Variants in PSME3IP1 observed in about 807,000 individuals in gnomAD.
The protein encoded by PSME3IP1 is PSME3-interacting protein.
Under a neutral mutation model 34.1 loss-of-function variants are expected in PSME3IP1, and 13 were observed. The ratio of observed to expected loss-of-function variants is 0.38; its 90% CI spans 0.25 to 0.61. PSME3IP1 has a LOEUF of 0.61. Ranked by LOEUF, PSME3IP1 falls within the 20% of genes least tolerant of loss-of-function variation. The pLI is 0.60. For synonymous variants in PSME3IP1, 93 were observed against 114.3 expected (o/e 0.81, Z 1.19); for missense variants, 237 against 301.4 (o/e 0.79, Z 1.58).
At chr16:57,161,831 G>C (rs1361346496) in intron 6 of PSME3IP1, among the ~76,000 whole-genome samples, 1 of 151,990 alleles carries the variant, frequency 6.6e-6, no homozygotes, top group Non-Finnish European at 1.5e-5. Context: ...TTTTTAAAAA[G>C]AAAAAACTTT....
At chr16:57,158,951 G>C (rs543594664) in intron 6 of PSME3IP1, among the ~76,000 whole-genome samples, 31 of 152,078 alleles carry the variant, frequency 2.0e-4, no homozygotes, top group Non-Finnish European at 4.1e-4. Context: ...CATAGAAAAA[G>C]GCATAGTAAA....
At position 57,173,490 on chromosome 16, in the gene PSME3IP1, G is replaced by A. The variant is rs952708871; in HGVS notation, c.127+238C>T. On this transcript the variant is annotated intron_variant, in intron 2 of 6. Coordinates refer to ENST00000309137, the MANE Select transcript of PSME3IP1 (RefSeq NM_024946.4). ...CCAAAAATACAAAAATTAGCCAGGC[G>A]TGGTGGCTGGTGCCTGTAATCCCAA... Among the ~76,000 whole-genome samples the A allele has an allele frequency of 5.3e-5, 8 of 152,112 alleles. No individual in the cohort carries two copies. The East Asian group carries it at 5.8e-4, about 11-fold the overall frequency.
rs1232235911 is a variant in PSME3IP1 at position 57,153,352 on chromosome 16, A to T, written c.*938T>A. 1.3e-5 allele frequency: 2 copies of T among 152,244 alleles called. No homozygotes were observed. The highest frequency in any genetic ancestry group is 2.9e-5 in the Non-Finnish European group (2 of 68,048). 9.4% of individuals were successfully genotyped at this position (152,244 alleles called of 1,614,324 possible). On this transcript the variant is annotated 3_prime_UTR_variant, in exon 7 of 7. Transcript: ENST00000309137. ...AGATTCCACAGTTAAAAGCACAAGT[A>T]TAATATGCATTAAACAGAGAAGGGC...
chr16:57,163,947 A>G (rs1330904673), intron 6 of PSME3IP1, 54 bp downstream of exon 6: 1 of 1,514,922 alleles, frequency 6.6e-7, no homozygotes, highest in Non-Finnish European at 9.2e-7. Context: ...ACAGCCCTTT[A>G]CTGTGGTTCA....
intron 1 of PSME3IP1, chr16:57,175,412 C>T (rs1360169324): frequency 6.6e-6 from 1 of 152,164 alleles, no homozygotes; most frequent in Non-Finnish European, 1.5e-5. Context: ...TTATTCACAG[C>T]ACTATGTGCT....
At chr16:57,184,497 TAA>T (rs1391136566) in intron 1 of PSME3IP1, among the ~76,000 whole-genome samples, 1 of 152,188 alleles carries the variant, frequency 6.6e-6, no homozygotes, top group African/African-American at 2.4e-5. Flanking sequence ...TATTCTATAG[TAA>T]AGAGTGAAAC....
intron 3 of PSME3IP1, 92 bp downstream of exon 3, chr16:57,172,684 C>A: frequency 1.0e-6 from 1 of 1,004,262 alleles, no homozygotes; most frequent in South Asian, 1.3e-5. Context: ...CAAGACAATT[C>A]CACGGCTAGT....
At chr16:57,174,592 T>C (rs1451113056) in intron 1 of PSME3IP1, 8 of 985,462 alleles carry the variant, frequency 8.1e-6, no homozygotes, top group Non-Finnish European at 9.6e-6. Flanking sequence ...AATTCCTGTT[T>C]CTGAGACATT....
intron 4 of PSME3IP1, 35 bp downstream of exon 4, chr16:57,172,216 C>T: frequency 6.2e-7 from 1 of 1,607,624 alleles, no homozygotes; most frequent in Middle Eastern, 2.2e-4. Context: ...AGAAAATGGA[C>T]ACCTTACAGG....
intron 1 of PSME3IP1, chr16:57,178,497 C>A: frequency 1.9e-5 from 18 of 949,712 alleles, no homozygotes; most frequent in Non-Finnish European, 2.3e-5. Context: ...TATTCAAATA[C>A]TTACTGAATA....
At position 57,173,795 on chromosome 16, in the gene PSME3IP1, T is replaced by A; in HGVS notation, c.60A>T (p.Glu20Asp). ...IIKKRFVSEA[E>D]LDERRKRRQE... Reference sequence around the variant, plus strand: ...GCCTCCTTTTGCGCCGTTCATCTAGTTCTGCCTCAGACACAAACCTCTTTT... The same window carrying A: ...GCCTCCTTTTGCGCCGTTCATCTAGATCTGCCTCAGACACAAACCTCTTTT... Residue 20 changes from glutamate (E) to aspartate (D), a missense_variant, in exon 2 of 7, where the codon GAA (glutamate) becomes GAT (aspartate). By Grantham distance (45) the Glu-to-Asp change is conservative. Coordinates refer to ENST00000309137, the MANE Select transcript of PSME3IP1 (RefSeq NM_024946.4). 6.2e-7 allele frequency: 1 copy of A among 1,614,120 alleles called. No homozygotes were observed. The highest frequency in any genetic ancestry group is 1.3e-5 in the African/African-American group (1 of 75,020).
intron 6 of PSME3IP1, among the ~76,000 whole-genome samples, chr16:57,161,246 C>T (rs762613104): frequency 1.3e-5 from 2 of 152,148 alleles, no homozygotes; most frequent in African/African-American, 2.4e-5. Context: ...ACTCACACTT[C>T]CCAATTTTAA....
intron 3 of PSME3IP1, 118 bp downstream of exon 3, chr16:57,172,658 C>T: frequency 2.3e-6 from 2 of 877,542 alleles, no homozygotes; most frequent in Admixed American, 1.8e-5. Flanking sequence ...AAATAAGCAT[C>T]CGGAGACTCG....
chr16:57,180,370 G>A (rs111397204), intron 1 of PSME3IP1, among the ~76,000 whole-genome samples: 7 of 151,692 alleles, frequency 4.6e-5, no homozygotes, highest in African/African-American at 1.5e-4. Flanking sequence ...CAGGAGGATC[G>A]CTTGAGGTCA....
intron 3 of PSME3IP1, 106 bp downstream of exon 3, chr16:57,172,670 A>G (rs542539446): frequency 5.2e-5 from 49 of 943,192 alleles, no homozygotes; most frequent in African/African-American, 5.0e-4. Flanking sequence ...GGAGACTCGA[A>G]AATCAAGACA....
chr16:57,162,537 T>C (rs1269097573), intron 6 of PSME3IP1, among the ~76,000 whole-genome samples: 2 of 151,392 alleles, frequency 1.3e-5, no homozygotes, highest in Non-Finnish European at 2.9e-5. Context: ...TGGTGGCACA[T>C]GCCTGTAGTC....
chr16:57,178,264 C>T (rs1291938005), intron 1 of PSME3IP1, among the ~76,000 whole-genome samples: 6 of 152,200 alleles, frequency 3.9e-5, no homozygotes, highest in Admixed American at 3.9e-4. Context: ...CAAACTGCTG[C>T]TCCAACCGCC....
chr16:57,168,161 C>T (rs1309724589), intron 4 of PSME3IP1, among the ~76,000 whole-genome samples: 2 of 152,142 alleles, frequency 1.3e-5, no homozygotes, highest in African/African-American at 4.8e-5. Context: ...ATTTAAGATG[C>T]ACTAGTGCCT....
chr16:57,186,038 A>G lies in PSME3IP1; in HGVS notation c.-233T>C. 1.0e-6 allele frequency: 1 copy of G among 985,116 alleles called. No individual in the cohort carries two copies. Among genetic ancestry groups the G allele is most frequent in the Non-Finnish European group, 1.2e-6 (1 of 829,912 alleles). The allele number at this position is 985,116 out of a possible 1,614,324, so 61.0% of individuals were successfully genotyped here. A position where few individuals can be genotyped will look rare whatever the true frequency, so the allele number is the denominator to read the frequency against. On this transcript the variant is annotated 5_prime_UTR_variant, in exon 1 of 7. Coordinates refer to ENST00000309137, the MANE Select transcript of PSME3IP1 (RefSeq NM_024946.4). ...GGGCTTCCTGTTCCTCACCGCCACA[A>G]TAGAGTCCCGCCCCACTTCCGGCGA...
Sources: allele counts gnomAD v4.1 joint callset (sites outside exome capture counted in the v4.1 genomes callset), GRCh38; gene constraint gnomAD v4.1.1; transcripts MANE v1.5; gene names NCBI Gene and HGNC (gene_info 2026-07-23, HGNC 2026-07-21).